The following SH3RF2 variants were observed in gnomAD, a reference collection of about 807,000 sequenced individuals.
The protein encoded by SH3RF2 is E3 ubiquitin-protein ligase SH3RF2.
In SH3RF2, 43 loss-of-function variants were observed where a neutral mutation model predicts 59.0. The ratio of observed to expected loss-of-function variants is 0.73; its 90% CI spans 0.57 to 0.94. The LOEUF (loss-of-function observed/expected upper bound fraction) is 0.94, where lower values mean the gene tolerates loss of function less well. Ranked by LOEUF, SH3RF2 falls within the 40% of genes least tolerant of loss-of-function variation. The pLI, the probability that SH3RF2 is intolerant of heterozygous loss-of-function variation, is 0.00. For synonymous variants in SH3RF2, 391 were observed against 391.5 expected (o/e 1.00, Z 0.01); for missense variants, 930 against 940.1 (o/e 0.99, Z 0.14).
intron 2 of SH3RF2, among the ~76,000 whole-genome samples, chr5:145,964,293 TTCCTTCCTTC>T (rs1303546517): frequency 3.6e-5 from 5 of 139,054 alleles, no homozygotes; most frequent in African/African-American, 1.4e-4. Context: ...CCTTCCTTCC[TTCCTTCCTTC>T]CTTTCTTTCT....
At chr5:145,985,939 G>A (rs1348055255) in intron 2 of SH3RF2, among the ~76,000 whole-genome samples, 1 of 151,994 alleles carries the variant, frequency 6.6e-6, no homozygotes, top group East Asian at 1.9e-4. Context: ...AGGAGTTTGA[G>A]GCTTCAGTGA....
At chr5:146,064,784 G>GAAGGAAAGGAAGGAAGGA (rs368231063), downstream of SH3RF2, among the ~76,000 whole-genome samples, 57 of 37,690 alleles carry the variant, frequency 1.5e-3, 7 homozygotes, top group Non-Finnish European at 2.2e-3. Context: ...GGAAAGGAAG[G>GAAGGAAAGGAAGGAAGGA]AAGGAAGGAA....
intron 2 of SH3RF2, among the ~76,000 whole-genome samples, chr5:145,990,586 T>G (rs1580821751): frequency 6.6e-6 from 1 of 152,246 alleles, no homozygotes; most frequent in South Asian, 2.1e-4. Context: ...CAACATAATT[T>G]TATTGCTAAA....
At chr5:146,075,778 TAAAAAAAAAAAAAAAAA>T (rs56300547) in intron 9 of SH3RF2, among the ~76,000 whole-genome samples, 11 of 76,964 alleles carry the variant, frequency 1.4e-4, no homozygotes, top group Non-Finnish European at 2.3e-4. Flanking sequence ...AAATTCCATG[TAAAAAAAAAAAAAAAAA>T]AAAAAAAAAA....
At chr5:145,937,091 A>G (rs1041720502) in intron 1 of SH3RF2, 2 of 152,120 alleles carry the variant, frequency 1.3e-5, no homozygotes, top group Non-Finnish European at 2.9e-5. Flanking sequence ...ACAATGTCAA[A>G]GTAACTAAAC....
intron 2 of SH3RF2, among the ~76,000 whole-genome samples, chr5:145,980,158 C>T (rs1463891147): frequency 1.3e-5 from 2 of 152,136 alleles, no homozygotes; most frequent in Non-Finnish European, 2.9e-5. Flanking sequence ...AGGAGAAAGG[C>T]CAGGGTACCT....
intron 2 of SH3RF2, among the ~76,000 whole-genome samples, chr5:145,941,043 T>A (rs1221686573): frequency 6.6e-6 from 1 of 152,176 alleles, no homozygotes; most frequent in Non-Finnish European, 1.5e-5. Flanking sequence ...ATACTAAGTA[T>A]AAAGTACTCC....
intron 2 of SH3RF2, among the ~76,000 whole-genome samples, chr5:145,988,742 C>T (rs951679558): frequency 3.3e-5 from 5 of 152,150 alleles, no homozygotes; most frequent in African/African-American, 1.2e-4. Context: ...TCACTGTGAG[C>T]TTTCTGCTGA....
intron 2 of SH3RF2, among the ~76,000 whole-genome samples, chr5:145,957,522 T>C (rs992505284): frequency 1.4e-4 from 22 of 152,126 alleles, no homozygotes. Flanking sequence ...GCTAAGCACT[T>C]CTGTTTAACT....
chr5:145,998,281 TAA>T (rs35018423), intron 2 of SH3RF2, among the ~76,000 whole-genome samples: 80,059 of 140,074 alleles, frequency 0.57, 22,660 homozygotes, highest in South Asian at 0.79. Flanking sequence ...GGCCCATAGT[TAA>T]AAAAAAAAAA....
chr5:146,012,300 T>C (rs1760934803), intron 4 of SH3RF2, among the ~76,000 whole-genome samples: 1 of 152,218 alleles, frequency 6.6e-6, no homozygotes, highest in Non-Finnish European at 1.5e-5. Flanking sequence ...TCGATGTTCA[T>C]CAGGGATATT....
chr5:146,010,133 GT>G (rs1395427742), intron 4 of SH3RF2, among the ~76,000 whole-genome samples: 1 of 152,084 alleles, frequency 6.6e-6, no homozygotes, highest in Non-Finnish European at 1.5e-5. Context: ...GCGGTGTTTG[GT>G]TTTTGGTCCT....
intron 7 of SH3RF2, among the ~76,000 whole-genome samples, chr5:146,053,650 T>C (rs1254028015): frequency 6.6e-6 from 1 of 152,206 alleles, no homozygotes; most frequent in Non-Finnish European, 1.5e-5. Flanking sequence ...GAGCTCCCTG[T>C]AGCTTCCTTG....
rs141779033 is a variant in SH3RF2, at chr5:146,059,910, G to A, written c.1600G>A (p.Val534Met). 34 of 1,500,172 alleles carry A rather than the reference G, an allele frequency of 2.3e-5. No homozygotes were observed. The African/African-American group carries it at 3.0e-4, about 13-fold the overall frequency. The allele number at this position is 1,500,172 out of a possible 1,614,324, so 92.9% of individuals were successfully genotyped here. A position where few individuals can be genotyped will look rare whatever the true frequency, so the allele number is the denominator to read the frequency against. ...CCTCCAGTCCGGGATCCCCACTCTC[G>A]TGGTAGGCTCCCTCAGACGCAGCCC... is the stretch of plus-strand genomic sequence containing the variant. ...RPLQSGIPTL[V>M]VGSLRRSPTM... Residue 534 changes from valine (V) to methionine (M), a missense_variant, in exon 9 of 10, where the codon GTG becomes ATG. By Grantham distance (21) the Val-to-Met change is conservative (BLOSUM62 1). Transcript: ENST00000359120.
chr5:145,950,856 T>C (rs1435017043), intron 2 of SH3RF2, among the ~76,000 whole-genome samples: 3 of 152,136 alleles, frequency 2.0e-5, no homozygotes, highest in Non-Finnish European at 4.4e-5. Flanking sequence ...TGAGGAAAAA[T>C]AGAGCCTGAA....
chr5:145,977,443 T>TAG (rs2149966448), intron 2 of SH3RF2, among the ~76,000 whole-genome samples: 1 of 152,304 alleles, frequency 6.6e-6, no homozygotes, highest in East Asian at 1.9e-4. Flanking sequence ...GCTTTACATA[T>TAG]ATCTGTACAA....
At chr5:146,047,889 C>T in intron 6 of SH3RF2, 26 bp downstream of exon 6, 1 of 1,607,890 alleles carries the variant, frequency 6.2e-7, no homozygotes, top group Non-Finnish European at 8.5e-7. Flanking sequence ...ATCCCTTCAC[C>T]CAAGTCCTGG....
At chr5:145,996,613 T>C (rs1475241249) in intron 2 of SH3RF2, among the ~76,000 whole-genome samples, 1 of 152,152 alleles carries the variant, frequency 6.6e-6, no homozygotes, top group East Asian at 1.9e-4. Flanking sequence ...TATAAATGAA[T>C]ACAGTTTAAG....
intron 2 of SH3RF2, among the ~76,000 whole-genome samples, chr5:145,959,409 A>G (rs1758539650): frequency 6.6e-6 from 1 of 152,146 alleles, no homozygotes; most frequent in South Asian, 2.1e-4. Context: ...GGTATTTGAT[A>G]GCTCATAGGC....
Sources: allele counts gnomAD v4.1 joint callset (sites outside exome capture counted in the v4.1 genomes callset), GRCh38; gene constraint gnomAD v4.1.1; transcripts MANE v1.5; gene names NCBI Gene and HGNC (gene_info 2026-07-23, HGNC 2026-07-21).